The following KSR2 variants were observed in gnomAD, a reference collection of about 807,000 sequenced individuals.
The protein encoded by KSR2 is kinase suppressor of ras 2.
KSR2 carries 25 observed loss-of-function variants against 107.8 expected under a neutral mutation model. The observed-to-expected ratio is 0.23, with a 90% CI of 0.17 to 0.32. The LOEUF (loss-of-function observed/expected upper bound fraction) is 0.32. KSR2 is among the 10% of genes least tolerant of loss of function. KSR2 has a pLI of 1.00. For missense variants in KSR2, 887 were observed against 1,268.9 expected, an observed-to-expected ratio of 0.70 and a Z score of 4.57; for synonymous variants, 480 against 507.0, an observed-to-expected ratio of 0.95 and a Z score of 0.71.
intron 5 of KSR2, among the ~76,000 whole-genome samples, chr12:117,649,967 C>T (rs1279525639): frequency 1.3e-5 from 2 of 152,202 alleles, no homozygotes; most frequent in African/African-American, 2.4e-5. Context: ...TTCATGCTTG[C>T]TCTAGTGAAC....
intron 1 of KSR2, chr12:117,889,817 T>C (rs1894286673): frequency 6.6e-6 from 1 of 152,218 alleles, no homozygotes; most frequent in South Asian, 2.1e-4. Flanking sequence ...GATGGGGAGC[T>C]GTTACTAAAA....
At chr12:117,564,456 A>T (rs1300154891) in intron 7 of KSR2, among the ~76,000 whole-genome samples, 1 of 132,646 alleles carries the variant, frequency 7.5e-6, no homozygotes, top group Non-Finnish European at 1.8e-5. Context: ...CACTCTGAGC[A>T]CACACAGAAA....
Position 117,765,386 on chromosome 12 carries a change from T to C in KSR2, c.473-3862A>G, listed in dbSNP as rs1225171608. 2.6e-5 allele frequency among the ~76,000 whole-genome samples: 4 copies of C among 152,256 alleles called. No individual in the cohort carries two copies. In the East Asian group the frequency reaches 5.8e-4, roughly 22 times the overall value. On this transcript the variant is annotated intron_variant, in intron 3 of 19. Coordinates refer to ENST00000339824, the MANE Select transcript of KSR2 (RefSeq NM_173598.6). ...GGGATTGGGAACCAGAAGAACCCAA[T>C]AGAATTCTGGTTAAACCACTGACCA... is the stretch of plus-strand genomic sequence containing the variant.
chr12:117,925,066 G>A (rs1254298734), intron 1 of KSR2, among the ~76,000 whole-genome samples: 3 of 151,752 alleles, frequency 2.0e-5, no homozygotes, highest in Non-Finnish European at 4.4e-5. Flanking sequence ...TTGGCAAGAC[G>A]TTGATTATTG....
At chr12:117,580,409 T>A (rs1254445355) in intron 6 of KSR2, among the ~76,000 whole-genome samples, 1 of 152,182 alleles carries the variant, frequency 6.6e-6, no homozygotes, top group South Asian at 2.1e-4. Context: ...GGAGCGTGTA[T>A]TTCACTCATC....
intron 2 of KSR2, among the ~76,000 whole-genome samples, chr12:117,858,412 T>C (rs776905364): frequency 5.3e-5 from 8 of 152,008 alleles, no homozygotes; most frequent in Non-Finnish European, 1.2e-4. Flanking sequence ...AATAAGGAAA[T>C]ACGAGATTGC....
chr12:117,847,106 A>G (rs753922466), intron 3 of KSR2, among the ~76,000 whole-genome samples: 7 of 152,244 alleles, frequency 4.6e-5, no homozygotes, highest in Non-Finnish European at 1.0e-4. Context: ...TTACAGGGGA[A>G]AGGAAAGACA....
chr12:117,885,360 T>C (rs1750210859), intron 1 of KSR2, among the ~76,000 whole-genome samples: 1 of 152,114 alleles, frequency 6.6e-6, no homozygotes, highest in African/African-American at 2.4e-5. Flanking sequence ...TGCTCACTTA[T>C]CACATTTTGC....
At position 117,808,564 on chromosome 12, in the gene KSR2, C is replaced by T. The variant is rs150325334; in HGVS notation, c.472+46864G>A. On this transcript the variant is annotated intron_variant, in intron 3 of 19. Coordinates refer to ENST00000339824, the MANE Select transcript of KSR2 (RefSeq NM_173598.6). ...AAAAGGTTTAGCCCAGGGCCTGGTCCGCAGCTGGGACCCAATCCCTGCTAG... is the reference window on the plus strand; with the variant it reads ...AAAAGGTTTAGCCCAGGGCCTGGTCTGCAGCTGGGACCCAATCCCTGCTAG... Among the ~76,000 whole-genome samples, 245 of 152,218 alleles carry T rather than the reference C, an allele frequency of 1.6e-3. 2 individuals are homozygous for T. The highest frequency in any genetic ancestry group is 5.6e-3 in the African/African-American group (232 of 41,534).
intron 3 of KSR2, among the ~76,000 whole-genome samples, chr12:117,775,482 C>G (rs764216915): frequency 1.3e-5 from 2 of 152,218 alleles, no homozygotes; most frequent in Non-Finnish European, 2.9e-5. Flanking sequence ...ATTTAATTCT[C>G]ATAACAATCT....
chr12:117,656,981 GATATATATAT>G (rs59605571), intron 5 of KSR2, among the ~76,000 whole-genome samples: 2,924 of 98,064 alleles, frequency 0.03, 162 homozygotes, highest in African/African-American at 0.098. Flanking sequence ...TATATAATAG[GATATATATAT>G]ATATATATAT....
intron 3 of KSR2, among the ~76,000 whole-genome samples, chr12:117,763,281 AG>A (rs2136881079): frequency 6.6e-6 from 1 of 151,924 alleles, no homozygotes; most frequent in African/African-American, 2.4e-5. Context: ...TTCTTAATCC[AG>A]TCTATCATTG....
intron 4 of KSR2, among the ~76,000 whole-genome samples, chr12:117,712,719 C>T (rs1294473850): frequency 6.6e-6 from 1 of 152,186 alleles, no homozygotes. Context: ...ACTGGCAGAC[C>T]ACCAGGGCTT....
Position 117,731,340 on chromosome 12 carries a change from C to A in KSR2, c.986+29671G>T, listed in dbSNP as rs1280926717. Among the ~76,000 whole-genome samples the A allele has an allele frequency of 2.2e-5, 3 of 133,338 alleles. No homozygotes were observed. In the East Asian group the frequency reaches 6.3e-4, roughly 28 times the overall value. 87.5% of individuals were successfully genotyped at this position (133,338 alleles called of 152,430 possible). A position where few individuals can be genotyped will look rare whatever the true frequency, so the allele number is the denominator to read the frequency against. On this transcript the variant is annotated intron_variant, in intron 4 of 19. Coordinates refer to ENST00000339824, the MANE Select transcript of KSR2 (RefSeq NM_173598.6). ...CCGCCCCGTCTGAGAAGTGAGGAGC[C>A]CCCCCGCCCAGCAGCCGCCCTGTCT... is the stretch of plus-strand genomic sequence containing the variant.
chr12:117,605,561 G>A (rs1251674414), intron 5 of KSR2, among the ~76,000 whole-genome samples: 2 of 151,800 alleles, frequency 1.3e-5, no homozygotes, highest in African/African-American at 4.8e-5. Flanking sequence ...ACCCTCCCCT[G>A]ACAGGCCCCA....
At chr12:117,938,853 C>A (rs972008442) in intron 1 of KSR2, among the ~76,000 whole-genome samples, 5 of 152,148 alleles carry the variant, frequency 3.3e-5, no homozygotes, top group Non-Finnish European at 7.3e-5. Context: ...CTTTCAGATA[C>A]CGTGTCCAGA....
intron 4 of KSR2, among the ~76,000 whole-genome samples, chr12:117,672,259 A>G (rs1275216691): frequency 1.3e-5 from 2 of 152,210 alleles, no homozygotes; most frequent in Non-Finnish European, 2.9e-5. Context: ...GTGACTGTGT[A>G]CTTAAGATTT....
intron 4 of KSR2, among the ~76,000 whole-genome samples, chr12:117,717,681 G>A (rs1165250258): frequency 4.3e-5 from 3 of 69,950 alleles, no homozygotes; most frequent in African/African-American, 1.2e-4. Context: ...GTGTGTGTGT[G>A]TGTGTGTGTG....
intron 3 of KSR2, among the ~76,000 whole-genome samples, chr12:117,793,234 ACACACCAACCTGCACACACC>A (rs1890346708): frequency 7.1e-6 from 1 of 141,812 alleles, no homozygotes; most frequent in African/African-American, 2.8e-5. Context: ...CAACATGCAC[ACACACCAACCTGCACACACC>A]CTCACACCAA....
Sources: gnomAD v4.1 joint callset for allele counts (sites outside exome capture counted in the v4.1 genomes callset) on GRCh38, gnomAD v4.1.1 for gene constraint, MANE v1.5 for transcripts, NCBI Gene and HGNC (gene_info 2026-07-23, HGNC 2026-07-21) for gene names.